Variants in PCDHA7 observed in about 807,000 individuals in gnomAD.
PCDHA7 encodes the protein protocadherin alpha 7.
In PCDHA7, 37 loss-of-function variants were observed where a neutral mutation model predicts 57.2. That is an observed-to-expected ratio of 0.65 (90% confidence interval 0.50 to 0.85). PCDHA7 has a LOEUF of 0.85. Among genes scored for constraint, PCDHA7 ranks in the 40% least tolerant of loss-of-function variants. The pLI is 0.00. For missense variants in PCDHA7, 1,188 were observed against 1,241.8 expected (o/e 0.96, Z 0.65); for synonymous variants, 553 against 558.8 (o/e 0.99, Z 0.15).
chr5:140,890,488 T>C (rs1022131727), intron 1 of PCDHA7, among the ~76,000 whole-genome samples: 20 of 152,340 alleles, frequency 1.3e-4, no homozygotes, highest in African/African-American at 4.8e-4. Flanking sequence ...GTTATTTTTG[T>C]CTCACCATTT....
intron 1 of PCDHA7, among the ~76,000 whole-genome samples, chr5:140,960,487 GGTTT>G: frequency 6.6e-6 from 1 of 152,236 alleles, no homozygotes; most frequent in South Asian, 2.1e-4. Context: ...CAGAGGTGTA[GGTTT>G]GTTTGTTCCA....
chr5:140,844,211 T>C (rs1162021656), intron 1 of PCDHA7, among the ~76,000 whole-genome samples: 1 of 149,836 alleles, frequency 6.7e-6, no homozygotes, highest in African/African-American at 2.4e-5. Flanking sequence ...TGTCTGGTAG[T>C]CACAAATATC....
At chr5:140,902,509 A>G (rs1242435474) in intron 1 of PCDHA7, among the ~76,000 whole-genome samples, 2 of 152,056 alleles carry the variant, frequency 1.3e-5, no homozygotes, top group Non-Finnish European at 2.9e-5. Context: ...TGAGTCTGTC[A>G]TATATGGTTT....
At chr5:140,877,535 A>T in intron 1 of PCDHA7, 1 of 1,613,750 alleles carries the variant, frequency 6.2e-7, no homozygotes, top group Admixed American at 1.7e-5. Flanking sequence ...GGCGCTGTGG[A>T]TCCCGAAGCG....
chr5:140,977,325 G>A (rs1277032974), intron 1 of PCDHA7, among the ~76,000 whole-genome samples: 1 of 152,210 alleles, frequency 6.6e-6, no homozygotes, highest in African/African-American at 2.4e-5. Context: ...TCCTGATGGC[G>A]AGGGGAGAGA....
chr5:141,007,981 T>C (rs1346324109), intron 3 of PCDHA7, among the ~76,000 whole-genome samples: 1 of 152,260 alleles, frequency 6.6e-6, no homozygotes, highest in African/African-American at 2.4e-5. Context: ...GTCATGTATA[T>C]ATGAAATGTA....
In PCDHA7 at chr5:140,921,062, C is replaced by T. The variant is rs377176575; in HGVS notation, c.2356-57887C>T. 1.3e-4 allele frequency among the ~76,000 whole-genome samples: 20 copies of T among 151,872 alleles called. No homozygotes were observed. The South Asian group carries it at 4.2e-3, about 32-fold the overall frequency. The stretch of plus-strand genomic sequence containing the variant: ...TGGGGCAATCATAGCTCACTCTAAC[C>T]TTGAACTCTTGGGCTCAAGAGAATC... On this transcript the variant is annotated intron_variant, in intron 1 of 3. Coordinates refer to ENST00000525929, the MANE Select transcript of PCDHA7 (RefSeq NM_018910.3).
At position 140,933,888 on chromosome 5, in the gene PCDHA7, T is replaced by C. The variant is rs148048721; in HGVS notation, c.2356-45061T>C. On this transcript the variant is annotated intron_variant, in intron 1 of 3. Transcript: ENST00000525929. ...ATATATGTTAGTTTTATCTGTACTTTTGAATATTTTGGCATAAAGTTGTTT... is the reference window on the plus strand; with the variant it reads ...ATATATGTTAGTTTTATCTGTACTTCTGAATATTTTGGCATAAAGTTGTTT... Among the ~76,000 whole-genome samples the C allele has an allele frequency of 7.7e-3, 1,170 of 152,222 alleles. 4 individuals are homozygous for C. Among genetic ancestry groups the C allele is most frequent in the Admixed American group, 0.013 (200 of 15,288 alleles).
rs2150356051 is a variant in PCDHA7, at chr5:140,843,257, C to A, written c.2355+6519C>A. On this transcript the variant is annotated intron_variant, in intron 1 of 3. Coordinates refer to ENST00000525929, the MANE Select transcript of PCDHA7 (RefSeq NM_018910.3). ...GGACGAAGCGGACTCTCCGCGCCAC[C>A]GTCTGCTGGTCCTGGTGAAGGATCA... 1.1e-5 allele frequency: 18 copies of A among 1,596,054 alleles called. 1 individual carries two copies. Among genetic ancestry groups the A allele is most frequent in the Non-Finnish European group, 1.5e-5 (18 of 1,165,602 alleles).
In PCDHA7 at chr5:140,852,257, T is replaced by C. The variant is rs1417638818; in HGVS notation, c.2355+15519T>C. 5.9e-6 allele frequency: 3 copies of C among 512,112 alleles called. No individual in the cohort carries two copies. The African/African-American group carries it at 6.3e-5, about 11-fold the overall frequency. 31.7% of individuals were successfully genotyped at this position (512,112 alleles called of 1,614,324 possible). A position where few individuals can be genotyped will look rare whatever the true frequency, so the allele number is the denominator to read the frequency against. On this transcript the variant is annotated intron_variant, in intron 1 of 3. Coordinates refer to ENST00000525929, the MANE Select transcript of PCDHA7 (RefSeq NM_018910.3). ...TCCCTTAAAACACACTTTTGGAATA[T>C]GCTACAATATTACATGTTTTTTGTC...
chr5:140,979,411 T>C (rs1422593406), intron 2 of PCDHA7, among the ~76,000 whole-genome samples: 1 of 152,204 alleles, frequency 6.6e-6, no homozygotes, highest in Non-Finnish European at 1.5e-5. Flanking sequence ...CTACCTTGTT[T>C]TTTTTTTAAT....
At chr5:140,871,057 G>A (rs1554165044) in intron 1 of PCDHA7, 7 of 1,613,300 alleles carry the variant, frequency 4.3e-6, no homozygotes, top group Non-Finnish European at 5.9e-6. Flanking sequence ...ACTGGTGAAG[G>A]ATCACGGTGA....
intron 1 of PCDHA7, among the ~76,000 whole-genome samples, chr5:140,881,170 T>C (rs1442098863): frequency 1.3e-5 from 2 of 152,246 alleles, no homozygotes; most frequent in Non-Finnish European, 1.5e-5. Flanking sequence ...CCTCTTCCTC[T>C]TTTCCTTGCT....
chr5:140,850,107 C>A lies in PCDHA7; in HGVS notation c.2355+13369C>A, dbSNP rs2150467518. ...GCTGCTACAGTTCCAGGTGAGCGCG[C>A]GCGACGCGGGCGTGCCGCCTCTGGG... On this transcript the variant is annotated intron_variant, in intron 1 of 3. Coordinates refer to ENST00000525929, the MANE Select transcript of PCDHA7 (RefSeq NM_018910.3). 6.9e-6 allele frequency: 11 copies of A among 1,596,052 alleles called. 2 individuals carry two copies. In the Admixed American group the frequency reaches 1.0e-4, roughly 15 times the overall value.
chr5:140,928,148 A>G (rs1228039818), intron 1 of PCDHA7: 1 of 1,614,054 alleles, frequency 6.2e-7, no homozygotes, highest in African/African-American at 1.3e-5. Context: ...ACGGCCTCAG[A>G]TAGTGGCTCA....
chr5:140,851,156 T>C (rs1174677153), intron 1 of PCDHA7: 2 of 1,302,318 alleles, frequency 1.5e-6, no homozygotes, highest in South Asian at 2.6e-5. Context: ...GAATTTCTGA[T>C]GCTATGCTGC....
intron 1 of PCDHA7, among the ~76,000 whole-genome samples, chr5:140,918,702 G>A (rs2078814490): frequency 6.6e-6 from 1 of 152,150 alleles, no homozygotes; most frequent in Non-Finnish European, 1.5e-5. Flanking sequence ...ATTAAGTCAT[G>A]AGGGCAGAGC....
rs1311209449 is a variant in PCDHA7, at chr5:141,010,944, A to G, written c.*1007A>G. On this transcript the variant is annotated 3_prime_UTR_variant, in exon 4 of 4. Transcript: ENST00000525929. ...GAGAATTCAGTCTACAGCCATTTAA[A>G]TGATCATTGCTGCTACAGAAGTGCT... 6.5e-6 allele frequency: 1 copy of G among 153,776 alleles called. No individual in the cohort carries two copies. The highest frequency in any genetic ancestry group is 2.4e-5 in the African/African-American group (1 of 41,450). 9.5% of individuals were successfully genotyped at this position (153,776 alleles called of 1,614,324 possible).
At position 140,942,409 on chromosome 5, in the gene PCDHA7, TA is replaced by T. The variant is rs78736997; in HGVS notation, c.2356-36528del. Among the ~76,000 whole-genome samples, 464 of 143,336 alleles carry T rather than the reference TA, an allele frequency of 3.2e-3. 2 individuals are homozygous for T. Among genetic ancestry groups the T allele is most frequent in the African/African-American group, 7.7e-3 (304 of 39,312 alleles). The allele number at this position is 143,336 out of a possible 152,430, so 94.0% of individuals were successfully genotyped here. Reference sequence around the variant, plus strand: ...CCTGGGCGACAGATGAGACTCTGTTTAAAAAAAAAAAAGATATCTAACAATA... The same window carrying T: ...CCTGGGCGACAGATGAGACTCTGTTTAAAAAAAAAAAGATATCTAACAATA... On this transcript the variant is annotated intron_variant, in intron 1 of 3. Transcript: ENST00000525929.
Sources: allele counts gnomAD v4.1 joint callset (sites outside exome capture counted in the v4.1 genomes callset), GRCh38; gene constraint gnomAD v4.1.1; transcripts MANE v1.5; gene names NCBI Gene and HGNC (gene_info 2026-07-23, HGNC 2026-07-21).